ADAMTSL1: variants seen among roughly 807,000 people sequenced by gnomAD.
The protein encoded by ADAMTSL1 is ADAMTS-like protein 1.
Under a neutral mutation model 201.8 loss-of-function variants are expected in ADAMTSL1, and 126 were observed. The observed-to-expected ratio is 0.62, with a 90% confidence interval of 0.54 to 0.72. The LOEUF (loss-of-function observed/expected upper bound fraction) is 0.72. Ranked by LOEUF, ADAMTSL1 falls within the 30% of genes least tolerant of loss-of-function variation. ADAMTSL1 has a pLI of 0.00. For missense variants in ADAMTSL1, 2,679 were observed against 2,277.8 expected, an observed-to-expected ratio of 1.18 and a Z score of -3.59; for synonymous variants, 1,121 against 903.4, an observed-to-expected ratio of 1.24 and a Z score of -4.32.
chr9:18,184,126 A>G (rs1001650955), intron 2 of ADAMTSL1, among the ~76,000 whole-genome samples: 3 of 152,200 alleles, frequency 2.0e-5, no homozygotes, highest in South Asian at 2.1e-4. Flanking sequence ...TTTTCTTTGA[A>G]TGGATTCCAA....
chr9:18,703,803 A>G (rs575815866), intron 13 of ADAMTSL1, among the ~76,000 whole-genome samples: 149 of 148,318 alleles, frequency 1.0e-3, no homozygotes, highest in African/African-American at 3.6e-3. Context: ...GGGCTTCAGT[A>G]GAATGGCCTT....
At chr9:18,229,700 T>C (rs1051107739) in intron 2 of ADAMTSL1, among the ~76,000 whole-genome samples, 5 of 130,656 alleles carry the variant, frequency 3.8e-5, no homozygotes, top group Non-Finnish European at 8.5e-5. Flanking sequence ...TCAACCAACA[T>C]TTTTTTTTTT....
chr9:18,852,550 A>G, intron 23 of ADAMTSL1, among the ~76,000 whole-genome samples: 1 of 152,254 alleles, frequency 6.6e-6, no homozygotes, highest in Admixed American at 6.5e-5. Context: ...TATGCAGTTC[A>G]TATTTCCTTT....
chr9:18,079,377 T>C (rs1010535007), intron 1 of ADAMTSL1, among the ~76,000 whole-genome samples: 8 of 152,128 alleles, frequency 5.3e-5, no homozygotes, highest in African/African-American at 1.9e-4. Context: ...ACTTCTTTAA[T>C]TTTTTTAAAG....
In ADAMTSL1 at chr9:18,753,349, A is replaced by G. The variant is rs754516324; in HGVS notation, c.2058A>G (p.Leu686=). 4 of 1,612,628 alleles carry G rather than the reference A, an allele frequency of 2.5e-6. No homozygotes were observed. Residue 686 remains leucine, a synonymous_variant, in exon 16 of 29, where the codon CTA becomes CTG. Coordinates refer to ENST00000380548, the MANE Select transcript of ADAMTSL1 (RefSeq NM_001040272.6). ...GTAGTCTCACATGTGGGGTCGGCCT[A>G]CAGACCAGAGACGTCTTCTGCAGCC... ...SPCSLTCGVG[L]QTRDVFCSHL... is the part of the protein sequence containing the mutation.
chr9:17,939,541 T>C (rs1031993173), intron 1 of ADAMTSL1, among the ~76,000 whole-genome samples: 4 of 152,170 alleles, frequency 2.6e-5, no homozygotes, highest in Admixed American at 6.6e-5. Context: ...CAATGATGTA[T>C]GACTGTTGAC....
At chr9:18,724,384 G>C (rs947383705) in intron 15 of ADAMTSL1, among the ~76,000 whole-genome samples, 8 of 152,168 alleles carry the variant, frequency 5.3e-5, no homozygotes, top group African/African-American at 1.9e-4. Context: ...TCTTGACTCT[G>C]TGTGATGGCA....
At chr9:18,303,056 G>A (rs938170378) in intron 2 of ADAMTSL1, among the ~76,000 whole-genome samples, 1 of 152,140 alleles carries the variant, frequency 6.6e-6, no homozygotes, top group East Asian at 1.9e-4. Context: ...CATTTATCAA[G>A]TATACTTAAA....
chr9:18,198,956 G>A (rs1387705776), intron 2 of ADAMTSL1, among the ~76,000 whole-genome samples: 2 of 142,258 alleles, frequency 1.4e-5, no homozygotes, highest in East Asian at 2.0e-4. Flanking sequence ...CATGTCCTTT[G>A]CAGGGACATG....
chr9:17,964,825 T>C (rs1002248483), intron 1 of ADAMTSL1, among the ~76,000 whole-genome samples: 1 of 152,188 alleles, frequency 6.6e-6, no homozygotes, highest in African/African-American at 2.4e-5. Context: ...GAAAATTATC[T>C]TGTTTAAAAA....
At chr9:18,231,113 G>A (rs1393763549) in intron 2 of ADAMTSL1, among the ~76,000 whole-genome samples, 1 of 151,976 alleles carries the variant, frequency 6.6e-6, no homozygotes, top group African/African-American at 2.4e-5. Context: ...GTCTTTTATT[G>A]CAACCCCCGG....
At position 17,908,061 on chromosome 9, in the gene ADAMTSL1, T is replaced by C. The variant is rs552556437; in HGVS notation, c.87+1139T>C. On this transcript the variant is annotated intron_variant, in intron 1 of 29. Coordinates refer to the ADAMTSL1 transcript ENST00000680146. The stretch of plus-strand genomic sequence containing the variant: ...CTCTATTTTAAAATTTTGATTGCAG[T>C]GGTGCACTTCTAGAGGCTGAGAGAG... Among the ~76,000 whole-genome samples, 23 of 152,272 alleles carry C rather than the reference T, an allele frequency of 1.5e-4. No homozygotes were observed. In the South Asian group the frequency reaches 4.2e-3, roughly 27 times the overall value.
chr9:18,104,653 A>G (rs1824678349), intron 1 of ADAMTSL1, among the ~76,000 whole-genome samples: 1 of 152,168 alleles, frequency 6.6e-6, no homozygotes, highest in African/African-American at 2.4e-5. Flanking sequence ...TACACTCTTC[A>G]GGTGATGGGC....
chr9:18,294,142 T>A (rs1833380092), intron 2 of ADAMTSL1, among the ~76,000 whole-genome samples: 1 of 152,126 alleles, frequency 6.6e-6, no homozygotes, highest in African/African-American at 2.4e-5. Context: ...ATACCTGTAA[T>A]TGCCAACCTA....
chr9:18,276,400 A>G (rs745890333), intron 2 of ADAMTSL1, among the ~76,000 whole-genome samples: 15 of 152,206 alleles, frequency 9.9e-5, no homozygotes, highest in Admixed American at 1.3e-4. Context: ...TATGTGTCCT[A>G]TGAAAACTTT....
At chr9:18,875,621 A>T (rs1435854137) in intron 23 of ADAMTSL1, among the ~76,000 whole-genome samples, 1 of 152,178 alleles carries the variant, frequency 6.6e-6, no homozygotes, top group Admixed American at 6.5e-5. Context: ...AGTACTTGAT[A>T]TAATTTTGAT....
At chr9:17,914,678 T>C (rs28807383) in intron 1 of ADAMTSL1, among the ~76,000 whole-genome samples, 2 of 151,576 alleles carry the variant, frequency 1.3e-5, no homozygotes, top group African/African-American at 4.8e-5. Context: ...CCAGGGCAAT[T>C]AGGCAGGAGA....
At chr9:18,345,274 A>C (rs1486166842) in intron 2 of ADAMTSL1, among the ~76,000 whole-genome samples, 1 of 152,204 alleles carries the variant, frequency 6.6e-6, no homozygotes, top group African/African-American at 2.4e-5. Context: ...TTAATTGTAC[A>C]TAAACACAGT....
At chr9:18,263,831 C>T (rs923459098) in intron 2 of ADAMTSL1, among the ~76,000 whole-genome samples, 7 of 152,018 alleles carry the variant, frequency 4.6e-5, no homozygotes, top group East Asian at 1.9e-4. Context: ...GGATGGTAGC[C>T]GCCAACAAGC....
Sources: allele counts gnomAD v4.1 joint callset (sites outside exome capture counted in the v4.1 genomes callset), GRCh38; gene constraint gnomAD v4.1.1; transcripts MANE v1.5; gene names NCBI Gene and HGNC (gene_info 2026-07-23, HGNC 2026-07-21).